CNTNAP2: variants seen among roughly 807,000 people sequenced by gnomAD.
The protein encoded by CNTNAP2 is contactin associated protein 2.
CNTNAP2 carries 98 observed loss-of-function variants against 155.2 expected under a neutral mutation model. That is an observed-to-expected ratio of 0.63 (90% confidence interval 0.54 to 0.75). The LOEUF (loss-of-function observed/expected upper bound fraction) is 0.75, where lower values mean the gene tolerates loss of function less well. Ranked by LOEUF, CNTNAP2 falls within the 30% of genes least tolerant of loss-of-function variation. The pLI is 0.00. For missense variants in CNTNAP2, 1,727 were observed against 1,688.1 expected (o/e 1.02, Z -0.40); for synonymous variants, 651 against 631.2 (o/e 1.03, Z -0.47).
chr7:147,391,641 T>C (rs1337532960), intron 9 of CNTNAP2, among the ~76,000 whole-genome samples: 2 of 152,086 alleles, frequency 1.3e-5, no homozygotes, highest in African/African-American at 4.8e-5. Flanking sequence ...AAAATGCTTT[T>C]AAGATAATTA....
At chr7:146,579,241 A>AT (rs898016371) in intron 1 of CNTNAP2, among the ~76,000 whole-genome samples, 2 of 152,056 alleles carry the variant, frequency 1.3e-5, no homozygotes, top group South Asian at 2.1e-4. Context: ...CTAAACAAGT[A>AT]TTTTTTTAAT....
chr7:146,895,798 C>T (rs1400714011), intron 3 of CNTNAP2, among the ~76,000 whole-genome samples: 1 of 152,094 alleles, frequency 6.6e-6, no homozygotes, highest in Non-Finnish European at 1.5e-5. Context: ...CTCATTATGT[C>T]ATTGTCTCAA....
intron 9 of CNTNAP2, among the ~76,000 whole-genome samples, chr7:147,302,901 G>C (rs1484964773): frequency 6.6e-6 from 1 of 152,198 alleles, no homozygotes; most frequent in Non-Finnish European, 1.5e-5. Flanking sequence ...GCACAGCACT[G>C]TTCATAAACA....
chr7:146,508,899 C>A (rs1224599719), intron 1 of CNTNAP2, among the ~76,000 whole-genome samples: 1 of 152,160 alleles, frequency 6.6e-6, no homozygotes, highest in Non-Finnish European at 1.5e-5. Flanking sequence ...CACTGGGGCC[C>A]TTTTGTCCCA....
intron 10 of CNTNAP2, among the ~76,000 whole-genome samples, chr7:147,437,704 TAA>T (rs1375781122): frequency 6.6e-6 from 1 of 152,148 alleles, no homozygotes; most frequent in Non-Finnish European, 1.5e-5. Context: ...ATACAAATGT[TAA>T]GATATTTTTC....
At chr7:147,198,059 G>T (rs995360352) in intron 8 of CNTNAP2, among the ~76,000 whole-genome samples, 3 of 151,924 alleles carry the variant, frequency 2.0e-5, no homozygotes, top group Non-Finnish European at 4.4e-5. Context: ...AAAGACAAAT[G>T]AAAAACTTGA....
intron 1 of CNTNAP2, among the ~76,000 whole-genome samples, chr7:146,562,347 T>C (rs1362150645): frequency 6.6e-6 from 1 of 152,092 alleles, no homozygotes; most frequent in Non-Finnish European, 1.5e-5. Context: ...AAAAATAAGA[T>C]TCTAGTCTTC....
chr7:146,163,006 G>T (rs1562972843), intron 1 of CNTNAP2, among the ~76,000 whole-genome samples: 1 of 152,086 alleles, frequency 6.6e-6, no homozygotes, highest in Non-Finnish European at 1.5e-5. Context: ...GGGGTCTGTT[G>T]GGGGTTTGGG....
chr7:146,947,444 ACAC>A (rs1192921454), intron 3 of CNTNAP2, among the ~76,000 whole-genome samples: 1 of 142,078 alleles, frequency 7.0e-6, no homozygotes, highest in East Asian at 2.0e-4. Flanking sequence ...ACACACACAC[ACAC>A]ATATATCTTT....
chr7:146,793,535 A>C (rs2129189596), intron 2 of CNTNAP2, among the ~76,000 whole-genome samples: 1 of 152,328 alleles, frequency 6.6e-6, no homozygotes, highest in East Asian at 1.9e-4. Flanking sequence ...CAGAATTATA[A>C]TAACTGAGGA....
intron 1 of CNTNAP2, among the ~76,000 whole-genome samples, chr7:146,557,918 A>T (rs1563134172): frequency 6.6e-6 from 1 of 152,200 alleles, no homozygotes; most frequent in South Asian, 2.1e-4. Flanking sequence ...AAATGAGGGT[A>T]AAAACACAAC....
Position 147,436,076 on chromosome 7 carries a change from G to T in CNTNAP2, c.1670+40296G>T, listed in dbSNP as rs111707854. ...ACAATGGTGCCAGAGTAGTCATGGG[G>T]CCCTCTCCAGCTTCATCCTACAGAG... On this transcript the variant is annotated intron_variant, in intron 10 of 23. Transcript: ENST00000361727. Among the ~76,000 whole-genome samples the T allele has an allele frequency of 6.0e-3, 908 of 152,190 alleles. 10 individuals are homozygous for T. Among genetic ancestry groups the T allele is most frequent in the African/African-American group, 0.021 (855 of 41,528 alleles).
At chr7:146,448,834 A>G (rs551014162) in intron 1 of CNTNAP2, among the ~76,000 whole-genome samples, 4 of 152,204 alleles carry the variant, frequency 2.6e-5, no homozygotes, top group Non-Finnish European at 4.4e-5. Context: ...CATCAGCCCT[A>G]TACATAACAA....
intron 3 of CNTNAP2, among the ~76,000 whole-genome samples, chr7:147,008,020 A>T (rs187661789): frequency 2.6e-5 from 4 of 152,176 alleles, no homozygotes; most frequent in African/African-American, 9.6e-5. Flanking sequence ...AGTGTCTAAT[A>T]CATTATTGCA....
intron 10 of CNTNAP2, among the ~76,000 whole-genome samples, chr7:147,461,324 A>C (rs1011473105): frequency 1.3e-5 from 2 of 152,130 alleles, no homozygotes; most frequent in Non-Finnish European, 2.9e-5. Flanking sequence ...TGAAATGCTG[A>C]GAAAAAAAAT....
At chr7:146,877,621 GTGTATGTA>G (rs61387703) in intron 3 of CNTNAP2, among the ~76,000 whole-genome samples, 3 of 151,076 alleles carry the variant, frequency 2.0e-5, no homozygotes, top group Admixed American at 6.6e-5. Context: ...ATATATGTGT[GTGTATGTA>G]TGTATGTGTG....
intron 1 of CNTNAP2, among the ~76,000 whole-genome samples, chr7:146,460,936 A>G (rs2129124475): frequency 6.6e-6 from 1 of 152,278 alleles, no homozygotes; most frequent in Non-Finnish European, 1.5e-5. Context: ...ATAATATGTA[A>G]TCATGTATTA....
At chr7:146,714,641 T>A (rs1391153104) in intron 1 of CNTNAP2, among the ~76,000 whole-genome samples, 2 of 152,250 alleles carry the variant, frequency 1.3e-5, no homozygotes, top group East Asian at 1.9e-4. Context: ...GAACATAGAA[T>A]CAGACAAAAG....
intron 15 of CNTNAP2, among the ~76,000 whole-genome samples, chr7:148,079,616 T>C (rs567658931): frequency 6.6e-6 from 1 of 152,262 alleles, no homozygotes; most frequent in East Asian, 1.9e-4. Flanking sequence ...GTTAGATTTT[T>C]CCCCACAAGA....
Sources: gnomAD v4.1 joint callset for allele counts (sites outside exome capture counted in the v4.1 genomes callset) on GRCh38, gnomAD v4.1.1 for gene constraint, MANE v1.5 for transcripts, NCBI Gene and HGNC (gene_info 2026-07-23, HGNC 2026-07-21) for gene names.